The following MMS22L variants were observed in gnomAD, a reference collection of about 807,000 sequenced individuals.
MMS22L encodes the protein protein MMS22-like.
In MMS22L, 74 loss-of-function variants were observed where a neutral mutation model predicts 159.1. The ratio of observed to expected loss-of-function variants is 0.47; its 90% CI spans 0.39 to 0.56. MMS22L has a LOEUF of 0.56. Among genes scored for constraint, MMS22L ranks in the 20% least tolerant of loss-of-function variants. The pLI is 0.00. For synonymous variants in MMS22L, 517 were observed against 506.9 expected (o/e 1.02, Z -0.27); for missense variants, 1,351 against 1,422.1 (o/e 0.95, Z 0.80).
intron 14 of MMS22L, among the ~76,000 whole-genome samples, chr6:97,202,236 C>T (rs1044996718): frequency 6.6e-6 from 1 of 152,132 alleles, no homozygotes; most frequent in Non-Finnish European, 1.5e-5. Flanking sequence ...CTATTCAGGC[C>T]TTCCTAGGAA....
Position 97,228,914 on chromosome 6 carries a change from T to C in MMS22L, c.2019A>G (p.Gln673=). The change falls in exon 14 of 25, where the codon CAA becomes CAG. Residue 673 remains glutamine (Q), a synonymous_variant. Transcript: ENST00000683635. ...CATACCTGATTCTGGCCAGAACAGC[T>C]TGTAGGAAGCTCAATACTGTCCTAA... ...SELRTVLSFL[Q]AVLARIRSMH... 2.5e-6 allele frequency: 4 copies of C among 1,613,416 alleles called. No individual in the cohort carries two copies. The highest frequency in any genetic ancestry group is 3.4e-6 in the Non-Finnish European group (4 of 1,179,562).
intron 19 of MMS22L, among the ~76,000 whole-genome samples, chr6:97,169,061 CT>C (rs1803261551): frequency 6.6e-6 from 1 of 152,066 alleles, no homozygotes; most frequent in African/African-American, 2.4e-5. Flanking sequence ...GCAGGATTAG[CT>C]ATAAGCTAAT....
intron 21 of MMS22L, among the ~76,000 whole-genome samples, chr6:97,162,664 C>T (rs2128243660): frequency 6.6e-6 from 1 of 152,094 alleles, no homozygotes; most frequent in East Asian, 1.9e-4. Context: ...CAAGCTTTAT[C>T]TCCTTCCTTC....
At chr6:97,278,963 G>A (rs1816498115) in intron 3 of MMS22L, 65 bp from the exon 4 acceptor site, 3 of 1,376,038 alleles carry the variant, frequency 2.2e-6, no homozygotes, top group Non-Finnish European at 3.1e-6. Flanking sequence ...ACAATTACGT[G>A]GACAATGTTT....
intron 9 of MMS22L, chr6:97,260,200 T>C (rs866777651): frequency 6.6e-5 from 10 of 152,322 alleles, no homozygotes; most frequent in Admixed American, 1.3e-4. Flanking sequence ...TTTCAATACG[T>C]AGATTTAGAT....
intron 14 of MMS22L, among the ~76,000 whole-genome samples, chr6:97,207,522 G>A (rs1403460518): frequency 6.6e-6 from 1 of 152,096 alleles, no homozygotes; most frequent in Admixed American, 6.6e-5. Flanking sequence ...TATTTCAAAA[G>A]GGAACTCTCA....
At chr6:97,160,723 C>T (rs1296065358) in intron 22 of MMS22L, among the ~76,000 whole-genome samples, 1 of 151,830 alleles carries the variant, frequency 6.6e-6, no homozygotes, top group Non-Finnish European at 1.5e-5. Flanking sequence ...TTCTGGTTCA[C>T]CTGTTGTATA....
At chr6:97,180,259 G>C (rs966565487) in intron 16 of MMS22L, among the ~76,000 whole-genome samples, 1 of 152,024 alleles carries the variant, frequency 6.6e-6, no homozygotes, top group South Asian at 2.1e-4. Flanking sequence ...CCGCCACCAT[G>C]CCCGGCTAAT....
chr6:97,208,418 A>G (rs900837367), intron 14 of MMS22L, among the ~76,000 whole-genome samples: 1 of 152,044 alleles, frequency 6.6e-6, no homozygotes, highest in African/African-American at 2.4e-5. Flanking sequence ...ATAATTATGA[A>G]TAAGACAAAT....
At chr6:97,222,070 G>C (rs1809714376) in intron 14 of MMS22L, among the ~76,000 whole-genome samples, 1 of 152,008 alleles carries the variant, frequency 6.6e-6, no homozygotes, top group Non-Finnish European at 1.5e-5. Flanking sequence ...CAAGTGAACA[G>C]TTCCTCTTGT....
chr6:97,233,494 C>T (rs1475023516), intron 12 of MMS22L, among the ~76,000 whole-genome samples: 1 of 152,104 alleles, frequency 6.6e-6, no homozygotes, highest in Non-Finnish European at 1.5e-5. Context: ...CCACTAGTAG[C>T]CTATAAGCTA....
At chr6:97,278,154 A>G (rs1440523879) in intron 4 of MMS22L, among the ~76,000 whole-genome samples, 1 of 152,190 alleles carries the variant, frequency 6.6e-6, no homozygotes, top group Non-Finnish European at 1.5e-5. Context: ...CTGTAATCCT[A>G]GCACTTCAGG....
At chr6:97,188,910 C>T (rs565238215) in intron 14 of MMS22L, among the ~76,000 whole-genome samples, 25 of 151,602 alleles carry the variant, frequency 1.6e-4, no homozygotes, top group African/African-American at 5.6e-4. Flanking sequence ...TGCAGTGAGC[C>T]GAGATTGTGC....
chr6:97,171,385 G>A lies in MMS22L; in HGVS notation c.2839+1678C>T, dbSNP rs543241054. ...GTCTACTTGGCAATGTGGGAAAAGT[G>A]GGGAAATTTGCACTTGGCACCAAAG... On this transcript the variant is annotated intron_variant, in intron 19 of 24. Transcript: ENST00000683635. Among the ~76,000 whole-genome samples the A allele has an allele frequency of 5.9e-5, 9 of 152,248 alleles. No homozygotes were observed. The South Asian group carries it at 1.7e-3, about 28-fold the overall frequency.
chr6:97,189,028 C>G (rs532552070), intron 14 of MMS22L, among the ~76,000 whole-genome samples: 1 of 151,302 alleles, frequency 6.6e-6, no homozygotes, highest in Admixed American at 6.6e-5. Context: ...AGAAAAGGGG[C>G]TGGAAAAGCC....
intron 18 of MMS22L, among the ~76,000 whole-genome samples, chr6:97,175,136 T>C (rs1186965521): frequency 6.6e-6 from 1 of 152,202 alleles, no homozygotes; most frequent in African/African-American, 2.4e-5. Context: ...ATTAATTCAT[T>C]GAAAAGTGAT....
At chr6:97,231,766 CA>C (rs1376698933) in intron 12 of MMS22L, 114 bp from the exon 13 acceptor site, 29 of 691,730 alleles carry the variant, frequency 4.2e-5, no homozygotes, top group African/African-American at 2.4e-4. Context: ...ATCTTAATCA[CA>C]AAAACTACAT....
chr6:97,239,618 G>C (rs532525191), intron 11 of MMS22L, among the ~76,000 whole-genome samples: 1 of 152,278 alleles, frequency 6.6e-6, no homozygotes, highest in Admixed American at 6.5e-5. Context: ...CTTGATTAAA[G>C]CTGTAGTGGT....
chr6:97,213,648 C>T (rs1808641802), intron 14 of MMS22L, among the ~76,000 whole-genome samples: 1 of 152,006 alleles, frequency 6.6e-6, no homozygotes, highest in Non-Finnish European at 1.5e-5. Context: ...ACATTCTTTG[C>T]AAGATACATA....
Sources: allele counts gnomAD v4.1 joint callset (sites outside exome capture counted in the v4.1 genomes callset), GRCh38; gene constraint gnomAD v4.1.1; transcripts MANE v1.5; gene names NCBI Gene and HGNC (gene_info 2026-07-23, HGNC 2026-07-21).